The following ACACA variants were observed in gnomAD, a reference collection of about 807,000 sequenced individuals.
ACACA encodes acetyl-CoA carboxylase 1.
In ACACA, 103 loss-of-function variants were observed where a neutral mutation model predicts 296.1. The observed-to-expected ratio is 0.35, with a 90% CI of 0.30 to 0.41. The LOEUF (loss-of-function observed/expected upper bound fraction) is 0.41. Among genes scored for constraint, ACACA ranks in the 10% least tolerant of loss-of-function variants. The pLI is 1.00. For synonymous variants in ACACA, 953 were observed against 1,038.6 expected (o/e 0.92, Z 1.58); for missense variants, 1,554 against 2,989.7 (o/e 0.52, Z 11.20).
chr17:37,356,599 C>T (rs1343441551), intron 1 of ACACA, among the ~76,000 whole-genome samples: 2 of 151,528 alleles, frequency 1.3e-5, no homozygotes, highest in African/African-American at 4.9e-5. Flanking sequence ...AGGATGGTGT[C>T]GATCTCCAGA....
intron 42 of ACACA, among the ~76,000 whole-genome samples, chr17:37,158,774 A>T (rs2076352746): frequency 6.6e-6 from 1 of 152,082 alleles, no homozygotes; most frequent in South Asian, 2.1e-4. Flanking sequence ...CCAAACCACC[A>T]GGTGAGAGGG....
At chr17:37,272,416 TAATG>T (rs2082109221) in intron 9 of ACACA, among the ~76,000 whole-genome samples, 1 of 152,224 alleles carries the variant, frequency 6.6e-6, no homozygotes, top group African/African-American at 2.4e-5. Context: ...ATCGATTACT[TAATG>T]AATGAAAATC....
At chr17:37,121,599 T>G in intron 49 of ACACA, 109 bp from the exon 50 acceptor site, 13 of 1,387,884 alleles carry the variant, frequency 9.4e-6, no homozygotes, top group Non-Finnish European at 1.2e-5. Context: ...AAAAATCAGA[T>G]CAACAAAAAC....
In ACACA at chr17:37,193,457, A is replaced by G. The variant is rs200923648; in HGVS notation, c.4159-42T>C. The G allele has an allele frequency of 2.6e-4, 379 of 1,458,488 alleles. 1 individual carries two copies. The African/African-American group carries it at 4.6e-3, about 18-fold the overall frequency. The allele number at this position is 1,458,488 out of a possible 1,614,324, so 90.3% of individuals were successfully genotyped here. ...GGAAAAATGTGTCAGTAGTTCATAG[A>G]CATGGCTCTTTGAGAACAAACAGTA... On this transcript the variant is annotated intron_variant, in intron 35 of 55. Transcript: ENST00000616317.
chr17:37,299,777 T>A (rs1164697000), intron 3 of ACACA: 1 of 996,728 alleles, frequency 1.0e-6, no homozygotes, highest in Non-Finnish European at 1.2e-6. Context: ...CAGGAGCACA[T>A]GACAGGGAAA....
Position 37,133,652 on chromosome 17 carries a change from T to C in ACACA, c.5680-3434A>G, listed in dbSNP as rs77803562. Among the ~76,000 whole-genome samples the C allele has an allele frequency of 6.7e-3, 1,020 of 152,356 alleles. 9 individuals carry two copies. The highest frequency in any genetic ancestry group is 0.023 in the African/African-American group (958 of 41,578). ...ATTTTCATGAAGTAGGTGAGCTGCA[T>C]TCAACACTCTTTTAAACTTTGACCT... On this transcript the variant is annotated intron_variant, in intron 45 of 55. Transcript: ENST00000616317.
intron 1 of ACACA, chr17:37,386,034 T>C (rs1181087031): frequency 6.2e-7 from 1 of 1,600,662 alleles, no homozygotes; most frequent in Admixed American, 1.7e-5. Flanking sequence ...TCTCACAATG[T>C]AAAGTCCTGG....
intron 54 of ACACA, 68 bp downstream of exon 54, chr17:37,096,928 G>C (rs1423476842): frequency 1.3e-6 from 2 of 1,594,420 alleles, no homozygotes; most frequent in African/African-American, 2.7e-5. Context: ...CTTTGCTGGC[G>C]AGACTTGCAG....
chr17:37,312,531 A>C (rs1228353182), intron 3 of ACACA, among the ~76,000 whole-genome samples: 1 of 152,260 alleles, frequency 6.6e-6, no homozygotes, highest in Non-Finnish European at 1.5e-5. Context: ...CTTAACTCAC[A>C]GTAAATGCTC....
chr17:37,225,168 G>A, intron 26 of ACACA, 63 bp from the exon 27 acceptor site: 1 of 956,744 alleles, frequency 1.0e-6, no homozygotes, highest in South Asian at 1.3e-5. Flanking sequence ...ACTCCTATTA[G>A]GCAGCTCTGA....
intron 4 of ACACA, 69 bp from the exon 5 acceptor site, chr17:37,283,474 G>A (rs1313701437): frequency 5.1e-6 from 8 of 1,556,902 alleles, no homozygotes; most frequent in Non-Finnish European, 6.2e-6. Flanking sequence ...GAAAAGAGAT[G>A]AGAGAATTTT....
At chr17:37,123,845 C>T (rs2074642087) in intron 48 of ACACA, among the ~76,000 whole-genome samples, 1 of 152,194 alleles carries the variant, frequency 6.6e-6, no homozygotes, top group South Asian at 2.1e-4. Flanking sequence ...TAACTTATAA[C>T]TTATATATTA....
At chr17:37,254,205 C>G (rs1356168789) in intron 14 of ACACA, among the ~76,000 whole-genome samples, 1 of 152,126 alleles carries the variant, frequency 6.6e-6, no homozygotes, top group Non-Finnish European at 1.5e-5. Flanking sequence ...AATACTTACA[C>G]AAAGTTCTGG....
At chr17:37,370,255 C>T (rs2049754978) in intron 1 of ACACA, among the ~76,000 whole-genome samples, 1 of 151,920 alleles carries the variant, frequency 6.6e-6, no homozygotes, top group Non-Finnish European at 1.5e-5. Context: ...ATCCACCTGC[C>T]TCAGCTTCCC....
intron 2 of ACACA, among the ~76,000 whole-genome samples, chr17:37,334,979 G>A (rs1165254224): frequency 6.6e-6 from 1 of 152,124 alleles, no homozygotes; most frequent in East Asian, 1.9e-4. Flanking sequence ...TTGTCCTGGA[G>A]GACTTGGAGG....
intron 29 of ACACA, among the ~76,000 whole-genome samples, chr17:37,216,721 C>T (rs2079015762): frequency 1.3e-5 from 2 of 152,060 alleles, no homozygotes; most frequent in South Asian, 4.2e-4. Flanking sequence ...TTTTCAGAGG[C>T]TCCCCTAGTC....
chr17:37,184,330 T>C (rs2077444778), intron 39 of ACACA, among the ~76,000 whole-genome samples: 1 of 152,156 alleles, frequency 6.6e-6, no homozygotes, highest in Non-Finnish European at 1.5e-5. Context: ...ATCTAATATC[T>C]GAGTTGGCAG....
chr17:37,126,869 G>A lies in ACACA; in HGVS notation c.5945-1075C>T, dbSNP rs17652319. Among the ~76,000 whole-genome samples, 1,098 of 152,272 alleles carry A rather than the reference G, an allele frequency of 7.2e-3. 9 individuals are homozygous for A. Among genetic ancestry groups the A allele is most frequent in the African/African-American group, 0.018 (742 of 41,548 alleles). On this transcript the variant is annotated intron_variant, in intron 47 of 55. Coordinates refer to ENST00000616317, the MANE Select transcript of ACACA (RefSeq NM_198834.3). ...TTTAGATTCTGGTCTTGTGTTGGGC[G>A]TCAGTTTGAAGAATATCACAGCACT...
At chr17:37,247,374 C>CA (rs1555613969) in intron 18 of ACACA, among the ~76,000 whole-genome samples, 1 of 145,634 alleles carries the variant, frequency 6.9e-6, no homozygotes, top group Admixed American at 6.9e-5. Context: ...TTGTGAATTT[C>CA]TTTTTTTTTT....
Sources: allele counts gnomAD v4.1 joint callset (sites outside exome capture counted in the v4.1 genomes callset), GRCh38; gene constraint gnomAD v4.1.1; transcripts MANE v1.5; gene names NCBI Gene and HGNC (gene_info 2026-07-23, HGNC 2026-07-21).